Variants in TENM3 observed in about 807,000 individuals in gnomAD.
TENM3 encodes teneurin-3.
Under a neutral mutation model 255.1 loss-of-function variants are expected in TENM3, and 63 were observed. The observed-to-expected ratio is 0.25, with a 90% CI of 0.20 to 0.30. The LOEUF (loss-of-function observed/expected upper bound fraction) is 0.30, where lower values mean the gene tolerates loss of function less well. Among genes scored for constraint, TENM3 ranks in the 10% least tolerant of loss-of-function variants. The pLI, the probability that TENM3 is intolerant of heterozygous loss-of-function variation, is 1.00. For missense variants in TENM3, 2,929 were observed against 3,461.1 expected, an observed-to-expected ratio of 0.85 and a Z score of 3.86; for synonymous variants, 1,306 against 1,322.3, an observed-to-expected ratio of 0.99 and a Z score of 0.27.
chr4:181,736,016 G>T, the TENM3 span, among the ~76,000 whole-genome samples: 1 of 151,896 alleles, frequency 6.6e-6, no homozygotes, highest in African/African-American at 2.4e-5. Flanking sequence ...AAGAAATTTT[G>T]GCCGGGCATG....
the TENM3 span, among the ~76,000 whole-genome samples, chr4:181,554,210 G>C: frequency 6.6e-6 from 1 of 152,186 alleles, no homozygotes; most frequent in Non-Finnish European, 1.5e-5. Flanking sequence ...TACTAGAATA[G>C]AGTGAAATCC....
At chr4:181,847,093 C>A in the TENM3 span, among the ~76,000 whole-genome samples, 1 of 152,198 alleles carries the variant, frequency 6.6e-6, no homozygotes, top group African/African-American at 2.4e-5. Flanking sequence ...CGAACACCAG[C>A]AGCTGGAAGC....
intron 3 of TENM3, among the ~76,000 whole-genome samples, chr4:182,478,203 TCA>T: frequency 6.6e-6 from 1 of 152,132 alleles, no homozygotes; most frequent in Non-Finnish European, 1.5e-5. Context: ...AATATTATTT[TCA>T]TACTACTCTC....
the TENM3 span, among the ~76,000 whole-genome samples, chr4:182,114,906 G>A: frequency 1.3e-5 from 2 of 152,102 alleles, no homozygotes; most frequent in African/African-American, 4.8e-5. Flanking sequence ...ATCCAGCCAG[G>A]CAAAGTGGCT....
At position 182,320,765 on chromosome 4, in the gene TENM3, A is replaced by G. The variant is rs143954410; in HGVS notation, c.-75-3181A>G. On this transcript the variant is annotated intron_variant, in intron 1 of 27. Coordinates refer to ENST00000511685, the MANE Select transcript of TENM3 (RefSeq NM_001080477.4). The stretch of plus-strand genomic sequence containing the variant: ...TGTAGCATGAAAATGGCCAAGGACA[A>G]TAGGTCAACAAATGCAAGGGCTGTG... 9.8e-3 allele frequency among the ~76,000 whole-genome samples: 1,497 copies of G among 152,312 alleles called. 19 individuals carry two copies. The highest frequency in any genetic ancestry group is 0.015 in the Non-Finnish European group (995 of 68,028).
the TENM3 span, among the ~76,000 whole-genome samples, chr4:181,970,606 A>G: frequency 1.3e-5 from 2 of 152,142 alleles, no homozygotes; most frequent in African/African-American, 4.8e-5. Flanking sequence ...CGTATGATAT[A>G]TCTTTTAAAG....
intron 1 of TENM3, among the ~76,000 whole-genome samples, chr4:182,199,479 A>G (rs1579685372): frequency 6.6e-6 from 1 of 152,170 alleles, no homozygotes; most frequent in Non-Finnish European, 1.5e-5. Context: ...TCAGTATCTT[A>G]GGAGCAAAAA....
chr4:181,506,547 C>T, the TENM3 span, among the ~76,000 whole-genome samples: 30 of 152,000 alleles, frequency 2.0e-4, no homozygotes, highest in African/African-American at 3.9e-4. Flanking sequence ...TGGGGAAAAC[C>T]GAGATACGCT....
the TENM3 span, among the ~76,000 whole-genome samples, chr4:181,831,096 A>G: frequency 7.2e-5 from 11 of 152,242 alleles, no homozygotes; most frequent in East Asian, 1.5e-3. Flanking sequence ...CTAATTTAAT[A>G]TAATTGACAC....
chr4:182,657,226 C>G (rs762548669), intron 6 of TENM3, among the ~76,000 whole-genome samples: 1 of 152,138 alleles, frequency 6.6e-6, no homozygotes, highest in Non-Finnish European at 1.5e-5. Flanking sequence ...GTACCTATCT[C>G]CTGACTTTCC....
At chr4:182,776,086 G>A (rs1344219401) in intron 24 of TENM3, among the ~76,000 whole-genome samples, 1 of 152,102 alleles carries the variant, frequency 6.6e-6, no homozygotes, top group African/African-American at 2.4e-5. Flanking sequence ...TTACACAGTT[G>A]TTACAAGAAT....
At chr4:181,822,166 C>G in the TENM3 span, among the ~76,000 whole-genome samples, 2 of 152,154 alleles carry the variant, frequency 1.3e-5, no homozygotes, top group Admixed American at 6.5e-5. Flanking sequence ...CTCACACCCC[C>G]CCACTTCTGG....
the TENM3 span, among the ~76,000 whole-genome samples, chr4:182,044,955 T>C: frequency 6.6e-6 from 1 of 152,200 alleles, no homozygotes; most frequent in Admixed American, 6.5e-5. Context: ...AAATTAACAA[T>C]GTCAAAAAAC....
chr4:181,750,370 C>T, the TENM3 span, among the ~76,000 whole-genome samples: 1 of 152,152 alleles, frequency 6.6e-6, no homozygotes, highest in East Asian at 1.9e-4. Context: ...CTGTGCTTAA[C>T]AGTTTTACCA....
chr4:182,063,180 C>T, the TENM3 span, among the ~76,000 whole-genome samples: 1 of 152,122 alleles, frequency 6.6e-6, no homozygotes, highest in Admixed American at 6.5e-5. Context: ...GATAGGTGTT[C>T]CTACAGCTGG....
chr4:182,175,192 T>G (rs1160387468), intron 1 of TENM3, among the ~76,000 whole-genome samples: 1 of 151,804 alleles, frequency 6.6e-6, no homozygotes, highest in Non-Finnish European at 1.5e-5. Flanking sequence ...TTAAAGAGAT[T>G]TTTATTGGCA....
the TENM3 span, among the ~76,000 whole-genome samples, chr4:182,125,407 C>T: frequency 1.3e-5 from 2 of 152,164 alleles, no homozygotes; most frequent in Non-Finnish European, 2.9e-5. Flanking sequence ...CCTTTAACAC[C>T]GGATCCATAG....
the TENM3 span, among the ~76,000 whole-genome samples, chr4:182,068,325 G>T: frequency 6.6e-6 from 1 of 151,988 alleles, no homozygotes; most frequent in East Asian, 1.9e-4. Flanking sequence ...TGGGAAGTTT[G>T]TAAGAAGCTT....
the TENM3 span, among the ~76,000 whole-genome samples, chr4:181,589,030 G>A: frequency 3.3e-5 from 5 of 152,062 alleles, no homozygotes; most frequent in Non-Finnish European, 7.4e-5. Context: ...TAGACATAAG[G>A]AAGAGCGCCT....
Sources: allele counts gnomAD v4.1 joint callset (sites outside exome capture counted in the v4.1 genomes callset), GRCh38; gene constraint gnomAD v4.1.1; transcripts MANE v1.5; gene names NCBI Gene and HGNC (gene_info 2026-07-23, HGNC 2026-07-21).